Variants in CDK5RAP2 observed in about 807,000 individuals in gnomAD.
CDK5RAP2 encodes the protein CDK5 regulatory subunit-associated protein 2.
CDK5RAP2 carries 147 observed loss-of-function variants against 232.9 expected under a neutral mutation model. The ratio of observed to expected loss-of-function variants is 0.63; its 90% CI spans 0.55 to 0.72. The LOEUF (loss-of-function observed/expected upper bound fraction) is 0.72. Ranked by LOEUF, CDK5RAP2 falls within the 30% of genes least tolerant of loss-of-function variation. CDK5RAP2 has a pLI of 0.00. For synonymous variants in CDK5RAP2, 833 were observed against 833.7 expected (o/e 1.00, Z 0.01); for missense variants, 2,195 against 2,231.5 (o/e 0.98, Z 0.33).
chr9:120,390,922 A>G (rs969303414), intron 36 of CDK5RAP2, among the ~76,000 whole-genome samples: 3 of 152,202 alleles, frequency 2.0e-5, no homozygotes, highest in Admixed American at 2.0e-4. Flanking sequence ...GGGACGGGAC[A>G]GACGGTGTGG....
At position 120,470,095 on chromosome 9, in the gene CDK5RAP2, A is replaced by C. The variant is rs201298306; in HGVS notation, c.1968+16T>G. The C allele has an allele frequency of 5.5e-6, 7 of 1,266,016 alleles. No individual in the cohort carries two copies. Among genetic ancestry groups the C allele is most frequent in the Admixed American group, 5.4e-5 (3 of 55,702 alleles). 78.4% of individuals were successfully genotyped at this position (1,266,016 alleles called of 1,614,324 possible). A position where few individuals can be genotyped will look rare whatever the true frequency, so the allele number is the denominator to read the frequency against. Reference sequence around the variant, plus strand: ...CAAAAAGAAAAGAAAAGCACTAAAAATTAATAGGTCAATACCTTTTTCTTA... The same window carrying C: ...CAAAAAGAAAAGAAAAGCACTAAAACTTAATAGGTCAATACCTTTTTCTTA... On this transcript the variant is annotated intron_variant, in intron 17 of 37. Coordinates refer to ENST00000349780, the MANE Select transcript of CDK5RAP2 (RefSeq NM_018249.6).
At chr9:120,565,595 T>C (rs375381265) in intron 3 of CDK5RAP2, among the ~76,000 whole-genome samples, 6 of 152,134 alleles carry the variant, frequency 3.9e-5, no homozygotes, top group African/African-American at 1.4e-4. Flanking sequence ...ACAGCCTCCT[T>C]CCAGCCAGTA....
At chr9:120,578,715 T>C (rs1327477630) in intron 1 of CDK5RAP2, among the ~76,000 whole-genome samples, 1 of 152,026 alleles carries the variant, frequency 6.6e-6, no homozygotes, top group Non-Finnish European at 1.5e-5. Context: ...TACAAGTGCA[T>C]GCCACCACGC....
At chr9:120,555,299 G>C (rs1295784882) in intron 3 of CDK5RAP2, among the ~76,000 whole-genome samples, 1 of 151,970 alleles carries the variant, frequency 6.6e-6, no homozygotes, top group Non-Finnish European at 1.5e-5. Flanking sequence ...GCTCGGCTAA[G>C]TTTTTGTATT....
intron 28 of CDK5RAP2, among the ~76,000 whole-genome samples, chr9:120,411,837 A>G (rs1041362799): frequency 5.9e-5 from 9 of 152,172 alleles, no homozygotes; most frequent in African/African-American, 2.2e-4. Flanking sequence ...TCAGAGCCAA[A>G]GCTGAACTCC....
chr9:120,420,879 G>A (rs2034527654), intron 26 of CDK5RAP2, among the ~76,000 whole-genome samples: 1 of 152,224 alleles, frequency 6.6e-6, no homozygotes, highest in Non-Finnish European at 1.5e-5. Context: ...TGACTTAGAA[G>A]TGGCCCAAGT....
chr9:120,577,082 C>T (rs180802686), intron 1 of CDK5RAP2, among the ~76,000 whole-genome samples: 2 of 152,238 alleles, frequency 1.3e-5, no homozygotes, highest in Non-Finnish European at 1.5e-5. Context: ...TAGAGACAGG[C>T]TGGGCGCAAT....
rs199552619 is a variant in CDK5RAP2 at position 120,416,834 on chromosome 9, GT to G, written c.4178-1676del. ...AACATTACACTAATGTTATGACCCA[GT>G]TTTAATTCCTCCAAAATGACTTTCA... On this transcript the variant is annotated intron_variant, in intron 27 of 37. Coordinates refer to ENST00000349780, the MANE Select transcript of CDK5RAP2 (RefSeq NM_018249.6). 8.1e-3 allele frequency among the ~76,000 whole-genome samples: 1,236 copies of G among 152,290 alleles called. 14 individuals are homozygous for G. The highest frequency in any genetic ancestry group is 0.028 in the African/African-American group (1,158 of 41,550).
At chr9:120,456,779 A>G (rs918549074) in intron 20 of CDK5RAP2, among the ~76,000 whole-genome samples, 1 of 152,232 alleles carries the variant, frequency 6.6e-6, no homozygotes, top group African/African-American at 2.4e-5. Context: ...ACCACCAAAC[A>G]ACACAATAAA....
intron 25 of CDK5RAP2, among the ~76,000 whole-genome samples, chr9:120,424,989 A>C (rs766592344): frequency 6.6e-6 from 1 of 152,086 alleles, no homozygotes; most frequent in Non-Finnish European, 1.5e-5. Flanking sequence ...GAGCCACTGC[A>C]CCTGGCCACA....
chr9:120,455,370 T>C (rs969188566), intron 20 of CDK5RAP2, among the ~76,000 whole-genome samples: 2 of 94,180 alleles, frequency 2.1e-5, no homozygotes, highest in African/African-American at 7.4e-5. Flanking sequence ...TACAACACGT[T>C]AAAAAAAAAA....
chr9:120,509,848 C>T (rs1300947825), intron 12 of CDK5RAP2, among the ~76,000 whole-genome samples: 1 of 152,164 alleles, frequency 6.6e-6, no homozygotes, highest in Non-Finnish European at 1.5e-5. Flanking sequence ...GACTCCAAAC[C>T]AGTTTGACTC....
chr9:120,454,589 C>T (rs1394020947), intron 20 of CDK5RAP2, among the ~76,000 whole-genome samples: 3 of 152,224 alleles, frequency 2.0e-5, no homozygotes, highest in Non-Finnish European at 4.4e-5. Flanking sequence ...ACTTCAGCTG[C>T]GGCTGTGTGG....
intron 35 of CDK5RAP2, among the ~76,000 whole-genome samples, chr9:120,395,162 A>G (rs1313791404): frequency 6.6e-6 from 1 of 152,218 alleles, no homozygotes; most frequent in Non-Finnish European, 1.5e-5. Flanking sequence ...AGTTAGTGAC[A>G]AAAGAGCCCA....
chr9:120,468,040 G>C, intron 17 of CDK5RAP2, 43 bp from the exon 18 acceptor site: 4 of 1,610,520 alleles, frequency 2.5e-6, no homozygotes, highest in Non-Finnish European at 2.5e-6. Context: ...CCCAGCAAGA[G>C]ACTTCAGCTT....
chr9:120,530,258 A>C, intron 7 of CDK5RAP2, 118 bp from the exon 8 acceptor site: 1 of 704,706 alleles, frequency 1.4e-6, no homozygotes, highest in Middle Eastern at 4.0e-4. Flanking sequence ...ATGGCTGAAC[A>C]CAAACAGAAT....
At chr9:120,454,651 C>T (rs1166721055) in intron 20 of CDK5RAP2, among the ~76,000 whole-genome samples, 2 of 152,196 alleles carry the variant, frequency 1.3e-5, no homozygotes, top group African/African-American at 2.4e-5. Flanking sequence ...GTCTCTGCTG[C>T]CTTGGGGCTT....
Position 120,527,660 on chromosome 9 carries a change from C to T in CDK5RAP2, c.999+146G>A, listed in dbSNP as rs147533296. The T allele has an allele frequency of 1.4e-4, 120 of 828,934 alleles. No individual in the cohort carries two copies. The Admixed American group carries it at 1.7e-3, about 12-fold the overall frequency. 51.3% of individuals were successfully genotyped at this position (828,934 alleles called of 1,614,324 possible). ...GGATTAGACACTCCAAAAGAATTTCCGGTTGACTAGAGGATCATTTCCCCA... is the reference window on the plus strand; with the variant it reads ...GGATTAGACACTCCAAAAGAATTTCTGGTTGACTAGAGGATCATTTCCCCA... On this transcript the variant is annotated intron_variant, in intron 10 of 37. Coordinates refer to ENST00000349780, the MANE Select transcript of CDK5RAP2 (RefSeq NM_018249.6).
chr9:120,452,382 A>T (rs2036526071), intron 21 of CDK5RAP2, among the ~76,000 whole-genome samples: 1 of 152,134 alleles, frequency 6.6e-6, no homozygotes, highest in Non-Finnish European at 1.5e-5. Context: ...TCTCTTTTGT[A>T]TGCGCAAAAG....
Sources: gnomAD v4.1 joint callset for allele counts (sites outside exome capture counted in the v4.1 genomes callset) on GRCh38, gnomAD v4.1.1 for gene constraint, MANE v1.5 for transcripts, NCBI Gene and HGNC (gene_info 2026-07-23, HGNC 2026-07-21) for gene names.